Variants in VPS13A observed in about 807,000 individuals in gnomAD.
VPS13A encodes the protein vacuolar protein sorting 13 homolog A, also known as intermembrane lipid transfer protein VPS13A.
A neutral mutation model predicts 390.9 loss-of-function variants in VPS13A; 264 were observed. That is an observed-to-expected ratio of 0.68 (90% confidence interval 0.61 to 0.75). VPS13A has a LOEUF of 0.75. Among genes scored for constraint, VPS13A ranks in the 30% least tolerant of loss-of-function variants. VPS13A has a pLI of 0.00. For missense variants in VPS13A, 3,409 were observed against 3,733.9 expected (o/e 0.91, Z 2.27); for synonymous variants, 1,231 against 1,227.1 (o/e 1.00, Z -0.07).
intron 71 of VPS13A, among the ~76,000 whole-genome samples, chr9:77,412,566 A>G (rs1359545648): frequency 6.6e-6 from 1 of 152,238 alleles, no homozygotes; most frequent in Non-Finnish European, 1.5e-5. Flanking sequence ...AAAAACTCTC[A>G]ATAAATTAAT....
At chr9:77,263,126 A>G (rs1330961820) in intron 23 of VPS13A, among the ~76,000 whole-genome samples, 1 of 124,570 alleles carries the variant, frequency 8.0e-6, no homozygotes. Flanking sequence ...TTTTTTTTTG[A>G]GACGGAGTCT....
At chr9:77,353,115 G>A (rs1831562274) in intron 53 of VPS13A, among the ~76,000 whole-genome samples, 2 of 151,988 alleles carry the variant, frequency 1.3e-5, no homozygotes, top group South Asian at 4.1e-4. Context: ...AATACTTTGT[G>A]TTACAGATTA....
chr9:77,252,316 C>G lies in VPS13A; in HGVS notation c.2252C>G (p.Ser751Cys). 1.2e-6 allele frequency: 2 copies of G among 1,613,958 alleles called. No homozygotes were observed. The highest frequency in any genetic ancestry group is 1.7e-6 in the Non-Finnish European group (2 of 1,179,914). ...LVPMHFNLEL[S>C]KAMVFMDVRM... is the part of the protein sequence containing the mutation. ...CCCATGCACTTCAATTTGGAACTGT[C>G]TAAGGCCATGGTTTTCATGGATGTA... The change falls in exon 22 of 72, where the codon TCT (serine) becomes TGT (cysteine). Residue 751 changes from serine to cysteine, a missense_variant. Around this residue, in one of 5 missense-constraint regions of VPS13A, gnomAD observed 2,717 missense variants for 2,917.4 expected, o/e 0.93. Coordinates refer to ENST00000360280, the MANE Select transcript of VPS13A (RefSeq NM_033305.3).
intron 17 of VPS13A, among the ~76,000 whole-genome samples, chr9:77,230,475 T>G (rs1823765778): frequency 6.6e-6 from 1 of 152,132 alleles, no homozygotes; most frequent in African/African-American, 2.4e-5. Context: ...GCACCATTTG[T>G]TGAAAAAACT....
At chr9:77,244,022 G>C (rs1450331033) in intron 19 of VPS13A, among the ~76,000 whole-genome samples, 1 of 152,108 alleles carries the variant, frequency 6.6e-6, no homozygotes, top group Non-Finnish European at 1.5e-5. Context: ...AGGAACACTT[G>C]AGGTCAGGAG....
At chr9:77,228,653 T>C (rs1195885696) in intron 17 of VPS13A, among the ~76,000 whole-genome samples, 1 of 152,138 alleles carries the variant, frequency 6.6e-6, no homozygotes, top group African/African-American at 2.4e-5. Flanking sequence ...TATATAGTAA[T>C]TTCACATTGG....
In VPS13A at chr9:77,339,544, G is replaced by A. The variant is rs1830709294; in HGVS notation, c.6407G>A (p.Ser2136Asn). ...ATTGAAAATTCGGTTTTTACTCTAA[G>A]TGAAGGACATTCAGCCCAGATTTGT... ...EGIENSVFTL[S>N]EGHSAQICTA... The change falls in exon 48 of 72, where the codon AGT becomes AAT. Residue 2136 changes from serine (S) to asparagine (N), a missense_variant. Coordinates refer to ENST00000360280, the MANE Select transcript of VPS13A (RefSeq NM_033305.3). 2 of 1,548,024 alleles carry A rather than the reference G, an allele frequency of 1.3e-6. No individual in the cohort carries two copies. The highest frequency in any genetic ancestry group is 1.4e-5 in the African/African-American group (1 of 71,984).
chr9:77,340,098 C>G, intron 48 of VPS13A, 80 bp from the exon 49 acceptor site: 1 of 1,433,240 alleles, frequency 7.0e-7, no homozygotes. Flanking sequence ...TTTGTTTATG[C>G]TAAAAAGTAA....
intron 1 of VPS13A, among the ~76,000 whole-genome samples, chr9:77,178,792 G>A (rs1238345042): frequency 6.6e-6 from 1 of 152,142 alleles, no homozygotes; most frequent in Non-Finnish European, 1.5e-5. Context: ...GCCAAAGTGA[G>A]GGTTAATTTT....
At chr9:77,402,222 AATCTGT>A (rs1232575742) in intron 68 of VPS13A, among the ~76,000 whole-genome samples, 1 of 152,204 alleles carries the variant, frequency 6.6e-6, no homozygotes, top group Non-Finnish European at 1.5e-5. Flanking sequence ...CCATGCAATT[AATCTGT>A]ATGAGTCATC....
intron 37 of VPS13A, 72 bp downstream of exon 37, chr9:77,314,736 G>A (rs1455687878): frequency 5.4e-6 from 8 of 1,470,928 alleles, no homozygotes; most frequent in Admixed American, 5.1e-5. Context: ...TTCATCTCCA[G>A]AATTGCACGT....
intron 71 of VPS13A, among the ~76,000 whole-genome samples, chr9:77,410,412 A>T (rs1156967585): frequency 6.6e-6 from 1 of 152,206 alleles, no homozygotes; most frequent in Non-Finnish European, 1.5e-5. Context: ...ACCAGCTAAC[A>T]TCATAATGAC....
At chr9:77,313,139 T>C (rs1225470398) in intron 35 of VPS13A, among the ~76,000 whole-genome samples, 3 of 152,180 alleles carry the variant, frequency 2.0e-5, no homozygotes, top group Non-Finnish European at 4.4e-5. Flanking sequence ...TCAGAAACAT[T>C]ATTTTGACTG....
intron 16 of VPS13A, among the ~76,000 whole-genome samples, 187 bp from the exon 17 acceptor site, chr9:77,227,935 C>T (rs910384514): frequency 6.6e-6 from 1 of 151,772 alleles, no homozygotes; most frequent in African/African-American, 2.4e-5. Context: ...TCTGTAATTG[C>T]ATTTATTTTA....
chr9:77,399,272 G>A (rs1295372309), intron 68 of VPS13A, among the ~76,000 whole-genome samples: 5 of 148,022 alleles, frequency 3.4e-5, no homozygotes, highest in Non-Finnish European at 7.4e-5. Flanking sequence ...CATCTATCAA[G>A]TGTGTTACAT....
intron 67 of VPS13A, among the ~76,000 whole-genome samples, chr9:77,372,857 C>T (rs1188939869): frequency 6.6e-6 from 1 of 151,970 alleles, no homozygotes; most frequent in Non-Finnish European, 1.5e-5. Flanking sequence ...AAACAGAGAG[C>T]CAAATCATAA....
intron 26 of VPS13A, 143 bp downstream of exon 26, chr9:77,276,364 A>G: frequency 1.3e-6 from 1 of 786,324 alleles, no homozygotes; most frequent in Non-Finnish European, 1.9e-6. Context: ...TTAATCTTTA[A>G]CTTTTATAGT....
chr9:77,329,571 C>G (rs1205348044), intron 45 of VPS13A, among the ~76,000 whole-genome samples: 5 of 152,082 alleles, frequency 3.3e-5, no homozygotes, highest in Admixed American at 6.6e-5. Flanking sequence ...AGAACACACA[C>G]ATTTATTGAT....
chr9:77,248,368 A>C (rs933029550), intron 20 of VPS13A, among the ~76,000 whole-genome samples: 1 of 151,680 alleles, frequency 6.6e-6, no homozygotes. Context: ...GGCCCCCGCC[A>C]CCACGCCCGG....
Sources: allele counts gnomAD v4.1 joint callset (sites outside exome capture counted in the v4.1 genomes callset), GRCh38; gene constraint gnomAD v4.1.1; regional missense constraint gnomAD v4.1.1; transcripts MANE v1.5; gene names NCBI Gene and HGNC (gene_info 2026-07-23, HGNC 2026-07-21).